The following SLCO4A1 variants were observed in gnomAD, a reference collection of about 807,000 sequenced individuals.
SLCO4A1 encodes the protein colon organic anion transporter.
In SLCO4A1, 51 loss-of-function variants were observed where a neutral mutation model predicts 64.6. The observed-to-expected ratio is 0.79, with a 90% confidence interval of 0.63 to 1.00. The LOEUF is 1.00. Ranked by LOEUF, SLCO4A1 falls within the 50% of genes least tolerant of loss-of-function variation. The probability of loss-of-function intolerance (pLI) is 0.00; values close to 1 mark genes in which losing one functional copy is unlikely to be tolerated. For missense variants in SLCO4A1, 919 were observed against 980.5 expected, an observed-to-expected ratio of 0.94 and a Z score of 0.84; for synonymous variants, 471 against 444.9, an observed-to-expected ratio of 1.06 and a Z score of -0.74.
chr20:62,657,230 G>A lies in SLCO4A1; in HGVS notation c.776G>A (p.Ser259Asn). ...TACCTGGATGAGAACGTCAAGTCCA[G>A]CTGCTCGCCCGTCTACATTGGTGAG... ...VTYLDENVKS[S>N]CSPVYIAIFY... The change falls in exon 2 of 12, where the codon AGC becomes AAC. Residue 259 changes from serine (S) to asparagine (N), a missense_variant. Physicochemically the swap from Ser to Asn is conservative, Grantham distance 46. Transcript: ENST00000217159. 1.3e-6 allele frequency: 2 copies of A among 1,535,132 alleles called. No individual in the cohort carries two copies. The highest frequency in any genetic ancestry group is 8.8e-7 in the Non-Finnish European group (1 of 1,135,630).
chr20:62,674,838 C>T (rs953941358), downstream of SLCO4A1, among the ~76,000 whole-genome samples: 3 of 152,180 alleles, frequency 2.0e-5, no homozygotes, highest in Non-Finnish European at 4.4e-5. Flanking sequence ...TATGTGCTGA[C>T]ACGACTAGAA....
chr20:62,658,634 T>G (rs1196406701), intron 2 of SLCO4A1, 43 bp from the exon 3 acceptor site: 2 of 1,530,054 alleles, frequency 1.3e-6, no homozygotes, highest in Non-Finnish European at 1.8e-6. Context: ...CCGCAGCCCC[T>G]GGGTGGTGCA....
At chr20:62,680,468 A>G (rs1313737544) in intron 2 of SLCO4A1, among the ~76,000 whole-genome samples, 6 of 152,148 alleles carry the variant, frequency 3.9e-5, no homozygotes, top group African/African-American at 9.7e-5. Flanking sequence ...CCACCTCTCA[A>G]TGCCTCTCAA....
At chr20:62,679,081 G>C (rs1987716024) in intron 2 of SLCO4A1, among the ~76,000 whole-genome samples, 1 of 152,102 alleles carries the variant, frequency 6.6e-6, no homozygotes. Context: ...TAGCATGCCT[G>C]TAATCCCAGC....
intron 1 of SLCO4A1, among the ~76,000 whole-genome samples, chr20:62,652,391 T>C (rs1394887970): frequency 1.3e-5 from 2 of 152,008 alleles, no homozygotes; most frequent in African/African-American, 2.4e-5. Flanking sequence ...CCTCCGGGCC[T>C]CTGAGGTTGC....
At position 62,667,770 on chromosome 20, in the gene SLCO4A1, C is replaced by T. The variant is rs1986635222; in HGVS notation, c.1498C>T (p.Leu500=). ...GSLLPEGHLN[L]TAPCNAACSC... is the part of the protein sequence containing the mutation. ...CCTCCTGCCCGAAGGCCACCTGAACCTAACGGCTCCCTGCAACGCTGCCTG... is the reference window on the plus strand; with the variant it reads ...CCTCCTGCCCGAAGGCCACCTGAACTTAACGGCTCCCTGCAACGCTGCCTG... Residue 500 remains leucine, a synonymous_variant, in exon 8 of 12, where the codon CTA becomes TTA. Transcript: ENST00000217159. 5.0e-6 allele frequency: 8 copies of T among 1,610,542 alleles called. No homozygotes were observed. The highest frequency in any genetic ancestry group is 2.2e-5 in the South Asian group (2 of 90,996).
downstream of SLCO4A1, among the ~76,000 whole-genome samples, chr20:62,690,676 C>G (rs1284651756): frequency 6.6e-6 from 1 of 152,228 alleles, no homozygotes; most frequent in East Asian, 1.9e-4. Flanking sequence ...CGGGGCCTGA[C>G]AGTTCATCCT....
chr20:62,667,628 T>C (rs1986600814), intron 7 of SLCO4A1, 117 bp from the exon 8 acceptor site: 3 of 1,280,428 alleles, frequency 2.3e-6, no homozygotes, highest in Non-Finnish European at 3.2e-6. Context: ...GCTTGGCAAG[T>C]TTGTAGACCC....
intron 1 of SLCO4A1, among the ~76,000 whole-genome samples, chr20:62,655,633 G>A (rs977656907): frequency 2.6e-5 from 4 of 152,284 alleles, no homozygotes; most frequent in East Asian, 1.9e-4. Flanking sequence ...ACGTGGGCAC[G>A]TTCTCCTGGT....
rs762605948 is a variant in SLCO4A1, at chr20:62,668,006, TC to T, written c.1639-3del. On this transcript the variant is annotated splice_polypyrimidine_tract_variant and splice_region_variant and intron_variant, in intron 8 of 11. Transcript: ENST00000217159. The stretch of plus-strand genomic sequence containing the variant: ...TTGTAATCGGAGCTATTGTTGGGCT[TC>T]CCAGGTGTACCGAGACTGTAGCTGT... The T allele has an allele frequency of 6.2e-7, 1 of 1,614,072 alleles. No individual in the cohort carries two copies. The highest frequency in any genetic ancestry group is 8.5e-7 in the Non-Finnish European group (1 of 1,180,038).
At chr20:62,663,084 C>T (rs1985350069) in intron 5 of SLCO4A1, 1 of 152,222 alleles carries the variant, frequency 6.6e-6, no homozygotes. Flanking sequence ...CAGAAAGAAC[C>T]CATGTTCATG....
At chr20:62,652,004 C>G (rs1043252528) in intron 1 of SLCO4A1, 1 of 151,674 alleles carries the variant, frequency 6.6e-6, no homozygotes, top group Non-Finnish European at 1.5e-5. Context: ...CTGCCGAATC[C>G]GACCCACTCC....
chr20:62,643,821 G>A (rs967013930), intron 1 of SLCO4A1, among the ~76,000 whole-genome samples: 1 of 152,184 alleles, frequency 6.6e-6, no homozygotes, highest in African/African-American at 2.4e-5. Context: ...GGAATGTGCC[G>A]GGCATGGTAC....
intron 1 of SLCO4A1, among the ~76,000 whole-genome samples, chr20:62,646,042 A>G (rs1236020928): frequency 6.6e-6 from 1 of 152,048 alleles, no homozygotes; most frequent in Non-Finnish European, 1.5e-5. Context: ...CTGGGAGGAG[A>G]GTGGCCCAGC....
At chr20:62,663,875 G>C (rs2427370) in intron 5 of SLCO4A1, among the ~76,000 whole-genome samples, 1 of 152,050 alleles carries the variant, frequency 6.6e-6, no homozygotes, top group East Asian at 1.9e-4. Flanking sequence ...AGGGCTTTGC[G>C]TGGTTTACAC....
rs1168302111 is a variant in SLCO4A1, at chr20:62,666,585, A to C, written c.1472+10A>C. Reference sequence around the variant, plus strand: ...CCAGCTACGGCGGGAGGTGAGGGCCAGATGGCACCTGGGTACGCGTCGGGG... The same window carrying C: ...CCAGCTACGGCGGGAGGTGAGGGCCCGATGGCACCTGGGTACGCGTCGGGG... On this transcript the variant is annotated intron_variant, in intron 7 of 11. Transcript: ENST00000217159. The C allele has an allele frequency of 6.2e-7, 1 of 1,610,344 alleles. No individual in the cohort carries two copies. The highest frequency in any genetic ancestry group is 8.5e-7 in the Non-Finnish European group (1 of 1,179,104).
rs768917493 is a variant in SLCO4A1, at chr20:62,657,038, G to T, written c.584G>T (p.Gly195Val). 1 of 1,592,592 alleles carries T rather than the reference G, an allele frequency of 6.3e-7. No individual in the cohort carries two copies. Residue 195 changes from glycine (G) to valine (V), a missense_variant, in exon 2 of 12, where the codon GGC becomes GTC. Physicochemically the swap from Gly to Val is moderately radical, Grantham distance 109. Coordinates refer to ENST00000217159, the MANE Select transcript of SLCO4A1 (RefSeq NM_016354.4). ...LVFALPHFTA[G>V]RYEVELDAGV... Reference sequence around the variant, plus strand: ...TTCGCGCTGCCCCACTTCACGGCTGGCCGCTATGAGGTGGAGTTGGACGCG... The same window carrying T: ...TTCGCGCTGCCCCACTTCACGGCTGTCCGCTATGAGGTGGAGTTGGACGCG...
chr20:62,654,149 G>C (rs1983183855), intron 1 of SLCO4A1, among the ~76,000 whole-genome samples: 1 of 152,010 alleles, frequency 6.6e-6, no homozygotes, highest in Admixed American at 6.5e-5. Flanking sequence ...GCCCCCAGTG[G>C]CTCCCGGGGC....
chr20:62,663,163 C>G (rs935238537), intron 5 of SLCO4A1: 1 of 152,212 alleles, frequency 6.6e-6, no homozygotes, highest in African/African-American at 2.4e-5. Flanking sequence ...GAGGCTGGAG[C>G]GGAGTTTCTG....
Sources: gnomAD v4.1 joint callset for allele counts (sites outside exome capture counted in the v4.1 genomes callset) on GRCh38, gnomAD v4.1.1 for gene constraint, MANE v1.5 for transcripts, NCBI Gene and HGNC (gene_info 2026-07-23, HGNC 2026-07-21) for gene names.